Variants in EVI5 observed in about 807,000 individuals in gnomAD.
EVI5 encodes the protein ecotropic viral integration site 5, also known as ecotropic viral integration site 5 protein homolog.
Under a neutral mutation model 112.0 loss-of-function variants are expected in EVI5, and 73 were observed. The observed-to-expected ratio is 0.65, with a 90% confidence interval of 0.54 to 0.79. EVI5 has a LOEUF of 0.79. EVI5 is among the 30% of genes least tolerant of loss of function. EVI5 has a pLI of 0.00. For missense variants in EVI5, 900 were observed against 968.8 expected (o/e 0.93, Z 0.94); for synonymous variants, 305 against 319.9 (o/e 0.95, Z 0.50).
At chr1:92,744,201 A>T (rs1678889876) in intron 1 of EVI5, among the ~76,000 whole-genome samples, 1 of 152,202 alleles carries the variant, frequency 6.6e-6, no homozygotes, top group African/African-American at 2.4e-5. Context: ...CTGAGAATAC[A>T]AGTTAAGATG....
chr1:92,658,474 T>C (rs957200209), intron 13 of EVI5, among the ~76,000 whole-genome samples: 18 of 152,126 alleles, frequency 1.2e-4, no homozygotes, highest in Admixed American at 3.3e-4. Context: ...GTAAATTCCA[T>C]TGACAACAGC....
At chr1:92,609,722 A>G (rs1651300147) in intron 16 of EVI5, among the ~76,000 whole-genome samples, 1 of 152,086 alleles carries the variant, frequency 6.6e-6, no homozygotes, top group African/African-American at 2.4e-5. Flanking sequence ...ACCTCGCCCT[A>G]TGAAAAAGAC....
At chr1:92,547,380 C>T (rs1421707583) in intron 19 of EVI5, among the ~76,000 whole-genome samples, 1 of 152,132 alleles carries the variant, frequency 6.6e-6, no homozygotes, top group Non-Finnish European at 1.5e-5. Context: ...GCACTAAATG[C>T]CTACAAGAGA....
At chr1:92,699,753 A>C (rs904179275) in intron 5 of EVI5, among the ~76,000 whole-genome samples, 2 of 152,170 alleles carry the variant, frequency 1.3e-5, no homozygotes, top group Non-Finnish European at 1.5e-5. Flanking sequence ...TGTGTATCTA[A>C]ACATAGAAAA....
intron 9 of EVI5, among the ~76,000 whole-genome samples, chr1:92,683,751 T>A (rs1461113552): frequency 6.6e-6 from 1 of 152,094 alleles, no homozygotes; most frequent in Non-Finnish European, 1.5e-5. Flanking sequence ...CACAAGAACT[T>A]CGTGACACAT....
intron 2 of EVI5, chr1:92,713,876 G>A (rs1558130526): frequency 3.3e-5 from 8 of 242,342 alleles, no homozygotes; most frequent in Non-Finnish European, 4.0e-5. Context: ...ATATAAAAAC[G>A]GAACAAATAT....
intron 1 of EVI5, among the ~76,000 whole-genome samples, chr1:92,748,913 A>G (rs1446855783): frequency 6.6e-6 from 1 of 152,024 alleles, no homozygotes; most frequent in Non-Finnish European, 1.5e-5. Flanking sequence ...TAAAAATACA[A>G]AAATTAGCTG....
intron 18 of EVI5, among the ~76,000 whole-genome samples, chr1:92,594,654 C>T (rs1210377329): frequency 4.6e-5 from 7 of 151,914 alleles, no homozygotes; most frequent in African/African-American, 1.2e-4. Flanking sequence ...AGAAAATTTT[C>T]GCAACCTACT....
At chr1:92,598,893 C>G (rs1648526334) in intron 18 of EVI5, among the ~76,000 whole-genome samples, 3 of 151,888 alleles carry the variant, frequency 2.0e-5, no homozygotes, top group Admixed American at 2.0e-4. Flanking sequence ...GTGGAGGAGG[C>G]ATTATTATAA....
At chr1:92,662,568 T>C in intron 13 of EVI5, 151 bp downstream of exon 13, 1 of 427,852 alleles carries the variant, frequency 2.3e-6, no homozygotes, top group Non-Finnish European at 3.4e-6. Context: ...GACCCCTAAA[T>C]ATCACAGAAC....
intron 5 of EVI5, 27 bp from the exon 6 acceptor site, chr1:92,698,012 T>C (rs778299246): frequency 3.5e-5 from 55 of 1,592,688 alleles, no homozygotes; most frequent in Non-Finnish European, 4.3e-5. Context: ...AAAAACAACA[T>C]AGGTTAATGT....
At chr1:92,549,745 A>G (rs1245128481) in intron 19 of EVI5, among the ~76,000 whole-genome samples, 1 of 152,254 alleles carries the variant, frequency 6.6e-6, no homozygotes, top group East Asian at 1.9e-4. Flanking sequence ...GACACATGAA[A>G]AAATGCTCAT....
At chr1:92,708,226 G>A (rs1207307729) in intron 2 of EVI5, among the ~76,000 whole-genome samples, 1 of 151,770 alleles carries the variant, frequency 6.6e-6, no homozygotes, top group East Asian at 1.9e-4. Context: ...TACAGAATGG[G>A]AGAAAATACT....
intron 18 of EVI5, among the ~76,000 whole-genome samples, chr1:92,579,642 A>C (rs1182839048): frequency 6.6e-6 from 1 of 152,118 alleles, no homozygotes; most frequent in Non-Finnish European, 1.5e-5. Context: ...TATTACTTTT[A>C]GCTTATAAAT....
intron 1 of EVI5, among the ~76,000 whole-genome samples, chr1:92,749,882 A>G (rs1679903704): frequency 6.6e-6 from 1 of 152,198 alleles, no homozygotes; most frequent in Admixed American, 6.5e-5. Flanking sequence ...TCATGTTCAC[A>G]TAACTGCTCT....
At chr1:92,633,748 G>A (rs897876272) in intron 14 of EVI5, among the ~76,000 whole-genome samples, 1 of 152,118 alleles carries the variant, frequency 6.6e-6, no homozygotes, top group Non-Finnish European at 1.5e-5. Flanking sequence ...TATTTTGCTC[G>A]TTAGTGGAAG....
chr1:92,653,535 A>T (rs559889368), intron 13 of EVI5, among the ~76,000 whole-genome samples: 6 of 151,988 alleles, frequency 3.9e-5, no homozygotes, highest in Admixed American at 3.3e-4. Context: ...GGAGATGGGG[A>T]CTCCTCCTCA....
intron 2 of EVI5, among the ~76,000 whole-genome samples, chr1:92,717,482 A>T (rs539332631): frequency 2.4e-4 from 37 of 152,342 alleles, no homozygotes; most frequent in African/African-American, 8.2e-4. Flanking sequence ...TCCTTTACAG[A>T]CAAGCAAATG....
chr1:92,610,291 C>A (rs1267896223), intron 16 of EVI5, among the ~76,000 whole-genome samples: 2 of 152,152 alleles, frequency 1.3e-5, no homozygotes, highest in African/African-American at 4.8e-5. Context: ...GTCTTACCTG[C>A]TACCATTAAA....
Sources: allele counts gnomAD v4.1 joint callset (sites outside exome capture counted in the v4.1 genomes callset), GRCh38; gene constraint gnomAD v4.1.1; transcripts MANE v1.5; gene names NCBI Gene and HGNC (gene_info 2026-07-23, HGNC 2026-07-21).